TRAPPC11: variants seen among roughly 807,000 people sequenced by gnomAD.
TRAPPC11 encodes trafficking protein particle complex subunit 11.
Under a neutral mutation model 151.2 loss-of-function variants are expected in TRAPPC11, and 104 were observed. The observed-to-expected ratio is 0.69, with a 90% confidence interval of 0.59 to 0.81. The LOEUF is 0.81. TRAPPC11 is among the 30% of genes least tolerant of loss of function. The probability of loss-of-function intolerance (pLI) is 0.00; values close to 1 mark genes in which losing one functional copy is unlikely to be tolerated. For missense variants in TRAPPC11, 1,230 were observed against 1,349.6 expected (o/e 0.91, Z 1.39); for synonymous variants, 456 against 472.3 (o/e 0.97, Z 0.45).
intron 21 of TRAPPC11, 71 bp downstream of exon 21, chr4:183,693,808 T>C: frequency 6.3e-7 from 1 of 1,596,528 alleles, no homozygotes; most frequent in Non-Finnish European, 8.6e-7. Flanking sequence ...ATGTCAACTC[T>C]AGGACTTTTG....
At chr4:183,665,038 G>A (rs991784324) in intron 2 of TRAPPC11, among the ~76,000 whole-genome samples, 4 of 150,836 alleles carry the variant, frequency 2.7e-5, no homozygotes, top group African/African-American at 9.8e-5. Flanking sequence ...CTGAAATTGT[G>A]CAAGTAATAG....
chr4:183,664,564 C>T (rs894147247), intron 2 of TRAPPC11, among the ~76,000 whole-genome samples: 6 of 151,894 alleles, frequency 4.0e-5, no homozygotes, highest in Non-Finnish European at 5.9e-5. Context: ...TTATTCATTG[C>T]GGAATGAAGA....
intron 8 of TRAPPC11, among the ~76,000 whole-genome samples, chr4:183,678,290 A>G (rs1251443886): frequency 6.6e-6 from 1 of 152,194 alleles, no homozygotes; most frequent in African/African-American, 2.4e-5. Flanking sequence ...ATTGTCTATC[A>G]CAGGAATAGG....
intron 26 of TRAPPC11, among the ~76,000 whole-genome samples, chr4:183,703,125 C>A (rs917825478): frequency 4.6e-5 from 7 of 152,088 alleles, no homozygotes; most frequent in Non-Finnish European, 1.0e-4. Context: ...GGAAAATCCC[C>A]TGGGTTTGTT....
chr4:183,682,759 C>A lies in TRAPPC11; in HGVS notation c.1141C>A (p.Pro381Thr). Residue 381 changes from proline to threonine, a missense_variant, in exon 11 of 30, where the codon CCC (proline) becomes ACC (threonine). Physicochemically the swap from Pro to Thr is conservative, Grantham distance 38. Coordinates refer to ENST00000334690, the MANE Select transcript of TRAPPC11 (RefSeq NM_021942.6). The part of the protein sequence containing the change: ...EASVMYPNPD[P>T]LETQTGVLDF... ...TTCTGTAATGTATCCCAATCCTGAT[C>A]CCTTAGAAACACAAACAGGCGTTCT... is the stretch of plus-strand genomic sequence containing the variant. 1 of 1,613,290 alleles carries A rather than the reference C, an allele frequency of 6.2e-7. No individual in the cohort carries two copies. Among genetic ancestry groups the A allele is most frequent in the Non-Finnish European group, 8.5e-7 (1 of 1,179,388 alleles).
At chr4:183,683,581 G>A (rs1735806391) in intron 11 of TRAPPC11, among the ~76,000 whole-genome samples, 1 of 151,966 alleles carries the variant, frequency 6.6e-6, no homozygotes, top group Non-Finnish European at 1.5e-5. Flanking sequence ...ATGATCGCTT[G>A]AGCCTAGGAG....
chr4:183,674,988 T>C (rs1735342106), intron 6 of TRAPPC11, 176 bp downstream of exon 6: 2 of 572,646 alleles, frequency 3.5e-6, no homozygotes, highest in Admixed American at 4.0e-5. Flanking sequence ...GCTTTTAAAG[T>C]TCTTAAAGGT....
In TRAPPC11 at chr4:183,677,543, A is replaced by G. The variant is rs756471875; in HGVS notation, c.820A>G (p.Ile274Val). ...ILEIKTMAGF[I>V]NYKICRLCFQ... ...GGAAATTAAGACTATGGCAGGATTT[A>G]TAAACTACAAGGTAATAATTCTGCT... is the stretch of plus-strand genomic sequence containing the variant. The change falls in exon 8 of 30, where the codon ATA becomes GTA. Residue 274 changes from isoleucine (I) to valine (V), a missense_variant. Physicochemically the swap from Ile to Val is conservative, Grantham distance 29. Coordinates refer to ENST00000334690, the MANE Select transcript of TRAPPC11 (RefSeq NM_021942.6). 1 of 1,549,246 alleles carries G rather than the reference A, an allele frequency of 6.5e-7. No homozygotes were observed. The highest frequency in any genetic ancestry group is 1.7e-5 in the Admixed American group (1 of 59,686).
chr4:183,696,696 C>A (rs1040471731), intron 23 of TRAPPC11, among the ~76,000 whole-genome samples: 3 of 152,262 alleles, frequency 2.0e-5, no homozygotes, highest in African/African-American at 7.2e-5. Context: ...TGCCCACCCC[C>A]CCATTGTTTT....
intron 23 of TRAPPC11, 68 bp from the exon 24 acceptor site, chr4:183,697,435 T>C: frequency 7.1e-7 from 1 of 1,416,088 alleles, no homozygotes. Flanking sequence ...TGATAGGTTG[T>C]GTTTTTTAAA....
intron 10 of TRAPPC11, among the ~76,000 whole-genome samples, chr4:183,682,030 T>G (rs530779086): frequency 7.0e-4 from 107 of 152,278 alleles, no homozygotes; most frequent in African/African-American, 2.5e-3. Context: ...AAATAATGTT[T>G]TAGAAGAACA....
At chr4:183,708,679 T>C in intron 29 of TRAPPC11, 105 bp downstream of exon 29, 2 of 1,048,594 alleles carry the variant, frequency 1.9e-6, no homozygotes, top group Non-Finnish European at 1.4e-6. Flanking sequence ...CCAACAGTGA[T>C]AGTTTTGCCT....
At chr4:183,690,881 T>C (rs1025190915) in intron 18 of TRAPPC11, among the ~76,000 whole-genome samples, 2 of 152,230 alleles carry the variant, frequency 1.3e-5, no homozygotes, top group East Asian at 1.9e-4. Context: ...GGTGGGACTA[T>C]CCCTTGGGTC....
intron 26 of TRAPPC11, among the ~76,000 whole-genome samples, chr4:183,702,026 C>G (rs1161590968): frequency 2.0e-5 from 3 of 152,100 alleles, no homozygotes; most frequent in African/African-American, 7.2e-5. Flanking sequence ...CAAACTAAAT[C>G]TGTACACAAA....
chr4:183,685,024 T>A, intron 15 of TRAPPC11, 60 bp from the exon 16 acceptor site: 1 of 1,507,730 alleles, frequency 6.6e-7, no homozygotes, highest in Non-Finnish European at 9.1e-7. Context: ...AAACAATAAA[T>A]GGGGGTAGTA....
chr4:183,675,463 GATTA>G (rs1272239416), intron 7 of TRAPPC11: 2 of 263,170 alleles, frequency 7.6e-6, no homozygotes, highest in Non-Finnish European at 7.2e-6. Flanking sequence ...TTTCTGGTTT[GATTA>G]ATTAAATTTT....
At position 183,708,681 on chromosome 4, in the gene TRAPPC11, G is replaced by A. The variant is rs183949486; in HGVS notation, c.3357+107G>A. 88 of 1,046,234 alleles carry A rather than the reference G, an allele frequency of 8.4e-5. No homozygotes were observed. In the African/African-American group the frequency reaches 1.3e-3, roughly 15 times the overall value. The allele number at this position is 1,046,234 out of a possible 1,614,324, so 64.8% of individuals were successfully genotyped here. A position where few individuals can be genotyped will look rare whatever the true frequency, so the allele number is the denominator to read the frequency against. ...CAGTATTTTGAGACCAACAGTGATAGTTTTGCCTTTTATTATATGTATTTG... is the reference window on the plus strand; with the variant it reads ...CAGTATTTTGAGACCAACAGTGATAATTTTGCCTTTTATTATATGTATTTG... On this transcript the variant is annotated intron_variant, in intron 29 of 29. Coordinates refer to ENST00000334690, the MANE Select transcript of TRAPPC11 (RefSeq NM_021942.6).
intron 4 of TRAPPC11, 147 bp downstream of exon 4, chr4:183,667,277 T>C: frequency 1.7e-6 from 1 of 578,072 alleles, no homozygotes; most frequent in Non-Finnish European, 3.1e-6. Flanking sequence ...CAATGATACA[T>C]GAACAAATGC....
At chr4:183,672,481 A>T (rs1348493594) in intron 5 of TRAPPC11, among the ~76,000 whole-genome samples, 1 of 152,226 alleles carries the variant, frequency 6.6e-6, no homozygotes, top group East Asian at 1.9e-4. Context: ...TAACAGCCTT[A>T]TGTCTTGACT....
Sources: gnomAD v4.1 joint callset for allele counts (sites outside exome capture counted in the v4.1 genomes callset) on GRCh38, gnomAD v4.1.1 for gene constraint, MANE v1.5 for transcripts, NCBI Gene and HGNC (gene_info 2026-07-23, HGNC 2026-07-21) for gene names.